SAG: variants seen among roughly 807,000 people sequenced by gnomAD.
The protein encoded by SAG is S-arrestin.
Under a neutral mutation model 55.0 loss-of-function variants are expected in SAG, and 45 were observed. The ratio of observed to expected loss-of-function variants is 0.82; its 90% CI spans 0.64 to 1.05. The LOEUF (loss-of-function observed/expected upper bound fraction) is 1.05. Among genes scored for constraint, SAG ranks in the 50% least tolerant of loss-of-function variants. The pLI, the probability that SAG is intolerant of heterozygous loss-of-function variation, is 0.00. For synonymous variants in SAG, 189 were observed against 197.4 expected, an observed-to-expected ratio of 0.96 and a Z score of 0.36; for missense variants, 455 against 512.1, an observed-to-expected ratio of 0.89 and a Z score of 1.08.
chr2:233,340,926 G>A lies in SAG; in HGVS notation c.1046+448G>A, dbSNP rs544013060. Among the ~76,000 whole-genome samples, 22 of 152,078 alleles carry A rather than the reference G, an allele frequency of 1.4e-4. 1 individual carries two copies. The highest frequency in any genetic ancestry group is 6.8e-3 in the Middle Eastern group (2 of 294). On this transcript the variant is annotated intron_variant, in intron 13 of 15. Transcript: ENST00000409110. The surrounding 1 kb of genome is among the most constrained non-coding windows in gnomAD (Gnocchi z 4.2). ...CTTCCTGGGTTCAGGCAATCCTCCC[G>A]CCTCAGCCTCCTGAGTAGCTGAGAT...
In SAG at chr2:233,319,572, A is replaced by G. The variant is rs1338658083; in HGVS notation, c.181+777A>G. ...GATGTGCCACTGGAATACGTCAGCT[A>G]TGGGGCCATCAGCATTGAGGGGGCA... On this transcript the variant is annotated intron_variant, in intron 4 of 15. Transcript: ENST00000409110. This position sits in a 1 kb window ranked among gnomAD's most constrained non-coding sequence, Gnocchi z 4.4. 4 of 980,776 alleles carry G rather than the reference A, an allele frequency of 4.1e-6. No homozygotes were observed. The highest frequency in any genetic ancestry group is 4.8e-6 in the Non-Finnish European group (4 of 831,002). 60.8% of individuals were successfully genotyped at this position (980,776 alleles called of 1,614,324 possible).
intron 2 of SAG, among the ~76,000 whole-genome samples, chr2:233,315,550 C>T (rs1237276672): frequency 1.3e-5 from 2 of 151,840 alleles, no homozygotes; most frequent in Non-Finnish European, 2.9e-5. Flanking sequence ...GCCTCAGCCT[C>T]CCAAAGTGCT....
At chr2:233,322,658 G>T (rs769608418) in intron 5 of SAG, among the ~76,000 whole-genome samples, 5 of 151,916 alleles carry the variant, frequency 3.3e-5, no homozygotes, top group Admixed American at 6.6e-5. Context: ...AAAATTAGCT[G>T]GGCATGGTGG....
intron 5 of SAG, among the ~76,000 whole-genome samples, chr2:233,322,670 G>A (rs375726348): frequency 6.6e-6 from 1 of 151,992 alleles, no homozygotes; most frequent in Non-Finnish European, 1.5e-5. Flanking sequence ...GCATGGTGGT[G>A]TGTGCCTGTA....
At chr2:233,318,167 C>A (rs753961401) in intron 3 of SAG, among the ~76,000 whole-genome samples, 2 of 151,052 alleles carry the variant, frequency 1.3e-5, no homozygotes, top group Admixed American at 6.6e-5. Flanking sequence ...TTTCTTTTTT[C>A]TTTTTTGTAT....
rs933190889 is a variant in SAG, at chr2:233,340,435, C to T, written c.1023-20C>T. 45 of 1,608,180 alleles carry T rather than the reference C, an allele frequency of 2.8e-5. No homozygotes were observed. Among genetic ancestry groups the T allele is most frequent in the East Asian group, 4.5e-5 (2 of 44,810 alleles). On this transcript the variant is annotated intron_variant, in intron 12 of 15. Coordinates refer to ENST00000409110, the MANE Select transcript of SAG (RefSeq NM_000541.5). The surrounding 1 kb of genome is among the most constrained non-coding windows in gnomAD (Gnocchi z 4.2). ...TACCACTGTGACAGTTAACGACAGGCGTTTGTTTGTGTTTTCTAGCTTTCT... is the reference window on the plus strand; with the variant it reads ...TACCACTGTGACAGTTAACGACAGGTGTTTGTTTGTGTTTTCTAGCTTTCT...
rs1012870409 is a variant in SAG at position 233,346,481 on chromosome 2, C to T, written c.1112+69C>T. The T allele has an allele frequency of 2.0e-6, 3 of 1,536,266 alleles. No individual in the cohort carries two copies. The South Asian group carries it at 3.4e-5, about 17-fold the overall frequency. On this transcript the variant is annotated intron_variant, in intron 15 of 15. Transcript: ENST00000409110. Reference sequence around the variant, plus strand: ...TGGGACCTTCTCCTCCAGCACAAAACCCTCTTTGAGTCTTTGCACATATCC... The same window carrying T: ...TGGGACCTTCTCCTCCAGCACAAAATCCTCTTTGAGTCTTTGCACATATCC...
chr2:233,329,459 TCTC>T (rs774361907), intron 8 of SAG, 31 bp from the exon 9 acceptor site: 2 of 1,327,144 alleles, frequency 1.5e-6, no homozygotes, highest in African/African-American at 1.4e-5. Context: ...CCACATCTGT[TCTC>T]TTCTTCTGAC....
At chr2:233,325,369 A>AAG (rs60097831) in intron 6 of SAG, among the ~76,000 whole-genome samples, 2 of 151,686 alleles carry the variant, frequency 1.3e-5, no homozygotes, top group East Asian at 3.9e-4. Flanking sequence ...AAAAAAAAAA[A>AAG]TAGAACAGAA....
intron 9 of SAG, among the ~76,000 whole-genome samples, chr2:233,330,167 T>C (rs942190018): frequency 2.0e-5 from 3 of 152,212 alleles, no homozygotes; most frequent in Admixed American, 6.5e-5. Context: ...TCTTATATAA[T>C]GGTCTTATTT....
In SAG at chr2:233,323,369, C is replaced by CT. The variant is rs879869333; in HGVS notation, c.435+376dup. On this transcript the variant is annotated intron_variant, in intron 6 of 15. Transcript: ENST00000409110. ...CCACTGCACTGGCTCCTTCAATAGA[C>CT]TTTTTTTTTTTTAGATGGAGTTTCA... 7.1e-3 allele frequency among the ~76,000 whole-genome samples: 983 copies of CT among 138,906 alleles called. 9 individuals are homozygous for CT. Among genetic ancestry groups the CT allele is most frequent in the African/African-American group, 0.023 (877 of 38,002 alleles). 91.1% of individuals were successfully genotyped at this position (138,906 alleles called of 152,430 possible). A position where few individuals can be genotyped will look rare whatever the true frequency, so the allele number is the denominator to read the frequency against.
intron 3 of SAG, among the ~76,000 whole-genome samples, chr2:233,318,331 AT>A (rs75087181): frequency 8.8e-4 from 128 of 145,666 alleles, no homozygotes; most frequent in Middle Eastern, 3.5e-3. Context: ...CACCCAGCTA[AT>A]TTTTTTTTTT....
chr2:233,309,038 A>G (rs753729344), intron 1 of SAG, 124 bp from the exon 2 acceptor site: 6 of 588,320 alleles, frequency 1.0e-5, no homozygotes, highest in Non-Finnish European at 1.8e-5. Flanking sequence ...TGAAGCCGGT[A>G]CAAGGGCATG....
At chr2:233,318,712 C>T in intron 3 of SAG, 39 bp from the exon 4 acceptor site, 1 of 1,591,548 alleles carries the variant, frequency 6.3e-7, no homozygotes, top group Non-Finnish European at 8.6e-7. Context: ...TTTCTTTCAT[C>T]TTCTCCACCC....
intron 4 of SAG, 58 bp from the exon 5 acceptor site, chr2:233,320,572 G>A: frequency 7.3e-7 from 1 of 1,367,578 alleles, no homozygotes; most frequent in Non-Finnish European, 1.0e-6. Flanking sequence ...CATTCCGTCA[G>A]TGGTGGTGGG....
intron 6 of SAG, among the ~76,000 whole-genome samples, chr2:233,326,777 A>T (rs1559442871): frequency 6.6e-6 from 1 of 152,114 alleles, no homozygotes. Context: ...GGAAGTCAGT[A>T]AGATGCATGG....
intron 12 of SAG, among the ~76,000 whole-genome samples, chr2:233,339,107 A>G (rs977693586): frequency 2.0e-5 from 3 of 152,244 alleles, no homozygotes; most frequent in African/African-American, 7.2e-5. Flanking sequence ...AACTCTCAGT[A>G]AATCTTCATG....
intron 12 of SAG, 150 bp downstream of exon 12, chr2:233,338,903 G>A: frequency 1.4e-6 from 1 of 733,770 alleles, no homozygotes; most frequent in Non-Finnish European, 2.5e-6. Flanking sequence ...GAGAGATTCT[G>A]TTTGTCTAGT....
Position 233,340,413 on chromosome 2 carries a change from CA to C in SAG, c.1023-41del. 1 of 1,594,340 alleles carries C rather than the reference CA, an allele frequency of 6.3e-7. No homozygotes were observed. Among genetic ancestry groups the C allele is most frequent in the Non-Finnish European group, 8.6e-7 (1 of 1,165,298 alleles). On this transcript the variant is annotated intron_variant, in intron 12 of 15. Transcript: ENST00000409110. This position sits in a 1 kb window ranked among gnomAD's most constrained non-coding sequence, Gnocchi z 4.2. ...GAATCATGGGAAAGGGTCGTGTTAC[CA>C]CTGTGACAGTTAACGACAGGCGTTT...
Sources: gnomAD v4.1 joint callset for allele counts (sites outside exome capture counted in the v4.1 genomes callset) on GRCh38, gnomAD v4.1.1 for gene constraint, Gnocchi (gnomAD v3.1) non-coding constraint, MANE v1.5 for transcripts, NCBI Gene and HGNC (gene_info 2026-07-23, HGNC 2026-07-21) for gene names.